SEC24B: variants seen among roughly 807,000 people sequenced by gnomAD.
The protein encoded by SEC24B is protein transport protein Sec24B.
A neutral mutation model predicts 142.8 loss-of-function variants in SEC24B; 45 were observed. That is an observed-to-expected ratio of 0.32 (90% CI 0.25 to 0.40). The LOEUF (loss-of-function observed/expected upper bound fraction) is 0.40, where lower values mean the gene tolerates loss of function less well. SEC24B is among the 10% of genes least tolerant of loss of function. The probability of loss-of-function intolerance (pLI) is 1.00; values close to 1 mark genes in which losing one functional copy is unlikely to be tolerated. For missense variants in SEC24B, 1,409 were observed against 1,526.8 expected (o/e 0.92, Z 1.29); for synonymous variants, 574 against 568.2 (o/e 1.01, Z -0.15).
intron 5 of SEC24B, among the ~76,000 whole-genome samples, chr4:109,492,189 A>G (rs1022331297): frequency 4.0e-5 from 6 of 151,420 alleles, no homozygotes; most frequent in African/African-American, 9.7e-5. Context: ...TGCTATCACT[A>G]TTCTATGAAT....
intron 1 of SEC24B, among the ~76,000 whole-genome samples, chr4:109,437,065 G>A (rs1728474615): frequency 1.3e-5 from 2 of 152,212 alleles, no homozygotes; most frequent in South Asian, 4.1e-4. Flanking sequence ...TGCTACTTGT[G>A]ATACTTATGA....
At chr4:109,473,678 G>A (rs1732767680) in intron 3 of SEC24B, among the ~76,000 whole-genome samples, 2 of 152,194 alleles carry the variant, frequency 1.3e-5, no homozygotes, top group South Asian at 4.1e-4. Flanking sequence ...AGAACTATAT[G>A]ATTTATTGTT....
At chr4:109,489,643 G>C (rs569924076) in intron 4 of SEC24B, among the ~76,000 whole-genome samples, 3 of 142,336 alleles carry the variant, frequency 2.1e-5, no homozygotes, top group Admixed American at 7.0e-5. Flanking sequence ...GTATATATAT[G>C]ATATATATGG....
chr4:109,451,766 T>C lies in SEC24B; in HGVS notation c.134-11135T>C, dbSNP rs1005525114. Reference sequence around the variant, plus strand: ...TTCAGGCTCTGAAAGTCGACAGAGCTATGAAATGTGAGTATGTATATGTAT... The same window carrying C: ...TTCAGGCTCTGAAAGTCGACAGAGCCATGAAATGTGAGTATGTATATGTAT... On this transcript the variant is annotated intron_variant, in intron 1 of 23. Transcript: ENST00000265175. Among the ~76,000 whole-genome samples the C allele has an allele frequency of 2.6e-5, 4 of 152,202 alleles. No individual in the cohort carries two copies. The East Asian group carries it at 7.7e-4, about 29-fold the overall frequency.
At chr4:109,488,614 T>C (rs1031926463) in intron 4 of SEC24B, 1 of 154,482 alleles carries the variant, frequency 6.5e-6, no homozygotes, top group Admixed American at 6.5e-5. Flanking sequence ...TTTTCATTTC[T>C]CTTGAGTAGA....
intron 1 of SEC24B, among the ~76,000 whole-genome samples, chr4:109,438,843 A>G (rs550594927): frequency 5.3e-4 from 80 of 152,286 alleles, no homozygotes; most frequent in African/African-American, 1.9e-3. Flanking sequence ...TTCATTGAGC[A>G]ATATATGGAT....
At chr4:109,482,979 T>TATACACACACACACACACACAC (rs781527364) in intron 4 of SEC24B, among the ~76,000 whole-genome samples, 1 of 26,406 alleles carries the variant, frequency 3.8e-5, no homozygotes, top group African/African-American at 1.2e-4. Flanking sequence ...TATATATATA[T>TATACACACACACACACACACAC]ACACACACAC....
Position 109,463,453 on chromosome 4 carries a change from G to T in SEC24B, c.686G>T (p.Gly229Val). 1 of 1,614,078 alleles carries T rather than the reference G, an allele frequency of 6.2e-7. No homozygotes were observed. Among genetic ancestry groups the T allele is most frequent in the Non-Finnish European group, 8.5e-7 (1 of 1,180,020 alleles). ...VRPVKDNSFS[G>V]QNTAISHPSP... ...CCAGTTAAAGATAATTCATTCTCTG[G>T]TCAAAATACAGCTATCAGCCATCCA... Residue 229 changes from glycine to valine, a missense_variant, in exon 2 of 24, where the codon GGT becomes GTT. Gly to Val is a moderately radical substitution (Grantham distance 109, BLOSUM62 -3). This residue lies in a region of SEC24B where 709 missense variants were observed against 673.5 expected (regional missense o/e 1.05). Coordinates refer to ENST00000265175, the MANE Select transcript of SEC24B (RefSeq NM_006323.5).
At position 109,494,775 on chromosome 4, in the gene SEC24B, T is replaced by G; in HGVS notation, c.1407T>G (p.Gly469=). The part of the protein sequence containing the change: ...FGYGYPTLQP[G]YQNATAPLIS... ...ATGGCTATCCAACACTTCAGCCTGG[T>G]TATCAGAATGCTACAGCACCACTTA... Residue 469 remains glycine, a synonymous_variant, in exon 6 of 24, where the codon GGT becomes GGG. Coordinates refer to ENST00000265175, the MANE Select transcript of SEC24B (RefSeq NM_006323.5). The G allele has an allele frequency of 1.9e-6, 3 of 1,614,216 alleles. No individual in the cohort carries two copies. Among genetic ancestry groups the G allele is most frequent in the East Asian group, 2.2e-5 (1 of 44,882 alleles).
At chr4:109,462,875 A>T in intron 1 of SEC24B, 26 bp from the exon 2 acceptor site, 1 of 1,448,872 alleles carries the variant, frequency 6.9e-7, no homozygotes, top group Non-Finnish European at 9.1e-7. Flanking sequence ...CTCTTTACAA[A>T]TACCTGTAAA....
intron 9 of SEC24B, among the ~76,000 whole-genome samples, chr4:109,513,196 A>G (rs1326401620): frequency 7.3e-5 from 11 of 151,072 alleles, no homozygotes; most frequent in Admixed American, 3.3e-4. Flanking sequence ...GCTGGTCTCG[A>G]ACTCCTGACC....
At chr4:109,449,148 C>T (rs1327190896) in intron 1 of SEC24B, among the ~76,000 whole-genome samples, 1 of 152,070 alleles carries the variant, frequency 6.6e-6, no homozygotes, top group Non-Finnish European at 1.5e-5. Flanking sequence ...ATCATGTTAA[C>T]CTTGGGCACT....
In SEC24B at chr4:109,463,549, C is replaced by T. The variant is rs777249866; in HGVS notation, c.782C>T (p.Thr261Met). The change falls in exon 2 of 24, where the codon ACG becomes ATG. Residue 261 changes from threonine to methionine, a missense_variant. By Grantham distance (81) the Thr-to-Met change is moderately conservative. This residue lies in a region of SEC24B where 709 missense variants were observed against 673.5 expected (regional missense o/e 1.05). Transcript: ENST00000265175. ...QQSLSGYSTL[T>M]WSSPGLPSTQ... ...AGTCTTTCAGGATACAGTACTCTAA[C>T]GTGGTCATCTCCAGGCCTTCCATCG... is the stretch of plus-strand genomic sequence containing the variant. 35 of 1,614,078 alleles carry T rather than the reference C, an allele frequency of 2.2e-5. No individual in the cohort carries two copies. The highest frequency in any genetic ancestry group is 7.7e-5 in the South Asian group (7 of 91,092).
At chr4:109,461,116 A>C (rs1409558824) in intron 1 of SEC24B, among the ~76,000 whole-genome samples, 1 of 152,186 alleles carries the variant, frequency 6.6e-6, no homozygotes, top group East Asian at 1.9e-4. Flanking sequence ...AGGAAATCGC[A>C]ATGCTACAGA....
intron 4 of SEC24B, among the ~76,000 whole-genome samples, chr4:109,484,098 C>G (rs766529273): frequency 6.6e-6 from 1 of 152,208 alleles, no homozygotes; most frequent in Non-Finnish European, 1.5e-5. Context: ...TGAAGTAGAT[C>G]AGCTATAAAG....
intron 9 of SEC24B, among the ~76,000 whole-genome samples, chr4:109,513,301 G>A (rs570985330): frequency 1.5e-5 from 2 of 135,454 alleles, no homozygotes; most frequent in Middle Eastern, 4.7e-3. Context: ...TTTTTTTTTC[G>A]GAGACAGAGT....
chr4:109,511,319 A>G (rs562896976), intron 8 of SEC24B, among the ~76,000 whole-genome samples: 1 of 152,124 alleles, frequency 6.6e-6, no homozygotes, highest in Non-Finnish European at 1.5e-5. Context: ...TTACTTGCAT[A>G]ATAATAATCA....
intron 1 of SEC24B, among the ~76,000 whole-genome samples, chr4:109,447,433 G>A (rs1027976546): frequency 6.6e-6 from 1 of 152,154 alleles, no homozygotes; most frequent in East Asian, 1.9e-4. Context: ...CTGCCCTGAT[G>A]AACCTCTTTT....
At chr4:109,469,451 G>C (rs972694356) in intron 2 of SEC24B, among the ~76,000 whole-genome samples, 1 of 152,174 alleles carries the variant, frequency 6.6e-6, no homozygotes, top group Non-Finnish European at 1.5e-5. Context: ...AGAGAAGCAA[G>C]TATTATCCAG....
Sources: allele counts gnomAD v4.1 joint callset (sites outside exome capture counted in the v4.1 genomes callset), GRCh38; gene constraint gnomAD v4.1.1; regional missense constraint gnomAD v4.1.1; transcripts MANE v1.5; gene names NCBI Gene and HGNC (gene_info 2026-07-23, HGNC 2026-07-21).